The following CNBD2 variants were observed in gnomAD, a reference collection of about 807,000 sequenced individuals.
CNBD2 encodes cyclic nucleotide-binding domain-containing protein 2.
Under a neutral mutation model 63.7 loss-of-function variants are expected in CNBD2, and 64 were observed. The observed-to-expected ratio is 1.00, with a 90% CI of 0.82 to 1.24. The LOEUF (loss-of-function observed/expected upper bound fraction) is 1.24, where lower values mean the gene tolerates loss of function less well. Among genes scored for constraint, CNBD2 ranks in the 50% most tolerant of loss-of-function variants. The probability of loss-of-function intolerance (pLI) is 0.00; values close to 1 mark genes in which losing one functional copy is unlikely to be tolerated. For synonymous variants in CNBD2, 229 were observed against 255.4 expected (o/e 0.90, Z 0.99); for missense variants, 691 against 713.5 (o/e 0.97, Z 0.36).
At position 36,001,520 on chromosome 20, in the gene CNBD2, G is replaced by C. The variant is rs547891951; in HGVS notation, c.970+6368G>C. ...TGACCCCCCCACCTCCCTCCCGGAC[G>C]GGGCGGCCGGCTGGGCGGAGACGCT... On this transcript the variant is annotated intron_variant, in intron 8 of 11. Transcript: ENST00000373973. 4.7e-5 allele frequency among the ~76,000 whole-genome samples: 7 copies of C among 149,774 alleles called. No individual in the cohort carries two copies. The East Asian group carries it at 6.1e-4, about 13-fold the overall frequency.
intron 1 of CNBD2, among the ~76,000 whole-genome samples, chr20:35,971,161 A>G (rs923405225): frequency 4.6e-5 from 7 of 151,148 alleles, no homozygotes; most frequent in Non-Finnish European, 1.0e-4. Context: ...GTTAGCCGGG[A>G]TGGTCTCGAT....
At chr20:35,981,980 G>A (rs1377256413) in intron 4 of CNBD2, among the ~76,000 whole-genome samples, 1 of 152,206 alleles carries the variant, frequency 6.6e-6, no homozygotes, top group East Asian at 1.9e-4. Flanking sequence ...GGAGGAAGTA[G>A]GATCTGAGTT....
intron 1 of CNBD2, among the ~76,000 whole-genome samples, chr20:35,971,705 C>T (rs974205979): frequency 5.9e-5 from 9 of 152,186 alleles, no homozygotes; most frequent in African/African-American, 9.6e-5. Context: ...CGTGAGCCAC[C>T]GCACCTGGCC....
chr20:36,017,410 CT>C (rs919906700), intron 10 of CNBD2, among the ~76,000 whole-genome samples: 1 of 152,112 alleles, frequency 6.6e-6, no homozygotes, highest in African/African-American at 2.4e-5. Flanking sequence ...GTGCATGCTC[CT>C]TCCCTCCACT....
rs942852434 is a variant in CNBD2 at position 36,024,590 on chromosome 20, T to C, written c.1439+819T>C. Among the ~76,000 whole-genome samples the C allele has an allele frequency of 6.7e-5, 10 of 149,152 alleles. No homozygotes were observed. The East Asian group carries it at 2.0e-3, about 29-fold the overall frequency. Reference sequence around the variant, plus strand: ...TTTGAAGTGAGCCAAAATTACACCATTGCACTCCAGCCTGGGTGGCAGAGC... The same window carrying C: ...TTTGAAGTGAGCCAAAATTACACCACTGCACTCCAGCCTGGGTGGCAGAGC... On this transcript the variant is annotated intron_variant, in intron 11 of 11. Coordinates refer to ENST00000373973, the MANE Select transcript of CNBD2 (RefSeq NM_001365709.1).
In CNBD2 at chr20:36,005,654, A is replaced by G. The variant is rs985296139; in HGVS notation, c.971-2643A>G. On this transcript the variant is annotated intron_variant, in intron 8 of 11. Transcript: ENST00000373973. ...TGTGGAACTTGGATTTATTCCCATT[A>G]ACATTAATTTGAGGGGCCGGGCATG... 1.1e-4 allele frequency among the ~76,000 whole-genome samples: 17 copies of G among 152,234 alleles called. 1 individual carries two copies. In the East Asian group the frequency reaches 3.3e-3, roughly 29 times the overall value.
At chr20:36,022,217 T>TTTTTTTTTTTG (rs561441076) in intron 10 of CNBD2, among the ~76,000 whole-genome samples, 5 of 107,120 alleles carry the variant, frequency 4.7e-5, no homozygotes, top group African/African-American at 9.9e-5. Context: ...TTTTTTTTTT[T>TTTTTTTTTTTG]GAGATGGAGT....
chr20:35,965,186 T>TC (rs1781983371), upstream of CNBD2, among the ~76,000 whole-genome samples: 1 of 149,896 alleles, frequency 6.7e-6, no homozygotes, highest in Admixed American at 6.6e-5. Flanking sequence ...TCTCTCTCTT[T>TC]TTTTTTTTTT....
At chr20:35,964,630 C>T (rs556180369), upstream of CNBD2, among the ~76,000 whole-genome samples, 467 of 151,798 alleles carry the variant, frequency 3.1e-3, no homozygotes, top group Non-Finnish European at 3.9e-3. Context: ...CTCCTGACCT[C>T]GTGATCCACC....
intron 10 of CNBD2, among the ~76,000 whole-genome samples, chr20:36,013,957 G>A (rs1481568534): frequency 9.9e-5 from 15 of 151,936 alleles, no homozygotes; most frequent in African/African-American, 3.1e-4. Context: ...CGAGGAGGGC[G>A]GATCACGAGG....
At chr20:35,970,550 C>T (rs909685493) in intron 1 of CNBD2, among the ~76,000 whole-genome samples, 2 of 152,102 alleles carry the variant, frequency 1.3e-5, no homozygotes, top group African/African-American at 2.4e-5. Flanking sequence ...GCGCCCACCA[C>T]CACGCCCGGC....
intron 8 of CNBD2, among the ~76,000 whole-genome samples, chr20:35,996,157 A>C (rs1442792531): frequency 6.6e-6 from 1 of 152,190 alleles, no homozygotes; most frequent in African/African-American, 2.4e-5. Context: ...GTGTTATATA[A>C]CCCCACTGAA....
intron 10 of CNBD2, among the ~76,000 whole-genome samples, chr20:36,017,044 A>T (rs552698932): frequency 6.9e-6 from 1 of 145,354 alleles, no homozygotes; most frequent in Non-Finnish European, 1.5e-5. Flanking sequence ...GAACAATAGA[A>T]TGAGAGCCTG....
chr20:35,979,224 T>A (rs1189238699), intron 3 of CNBD2, among the ~76,000 whole-genome samples: 1 of 152,170 alleles, frequency 6.6e-6, no homozygotes, highest in Non-Finnish European at 1.5e-5. Flanking sequence ...AGACATTTTT[T>A]GAGCTCCTAA....
At chr20:36,005,820 G>A (rs1601078715) in intron 8 of CNBD2, among the ~76,000 whole-genome samples, 1 of 151,406 alleles carries the variant, frequency 6.6e-6, no homozygotes, top group African/African-American at 2.4e-5. Context: ...GCATGGTGGC[G>A]GGCGCCTGTA....
At chr20:36,005,112 T>C (rs1333190760) in intron 8 of CNBD2, among the ~76,000 whole-genome samples, 4 of 152,228 alleles carry the variant, frequency 2.6e-5, no homozygotes, top group Non-Finnish European at 5.9e-5. Flanking sequence ...TGTTTGTCTT[T>C]GCATCTGTGT....
chr20:36,010,120 A>G (rs1295825337), intron 9 of CNBD2, among the ~76,000 whole-genome samples: 1 of 152,196 alleles, frequency 6.6e-6, no homozygotes, highest in African/African-American at 2.4e-5. Context: ...ACTGAAGAGC[A>G]GAAGAGGAGA....
chr20:35,987,501 G>GAA lies in CNBD2; in HGVS notation c.823_824insAA (p.Gly275GlufsTer39). The stretch of plus-strand genomic sequence containing the variant: ...TGGGCAGCTGATCTCAAAAGATTTT[G>GAA]GAGAGTCACCCTTCATCATGTTTAT... On this transcript the variant is annotated frameshift_variant, in exon 7 of 12. Transcript: ENST00000373973. LOFTEE classifies it high-confidence loss of function. 7 of 1,614,196 alleles carry GAA rather than the reference G, an allele frequency of 4.3e-6. No homozygotes were observed. Among genetic ancestry groups the GAA allele is most frequent in the Non-Finnish European group, 5.9e-6 (7 of 1,180,030 alleles).
chr20:35,959,588 T>A (rs1393765674), downstream of CNBD2: 1 of 152,186 alleles, frequency 6.6e-6, no homozygotes, highest in South Asian at 2.1e-4. Flanking sequence ...ATGGGGGAAC[T>A]ACCCCCATGA....
Sources: gnomAD v4.1 joint callset for allele counts (sites outside exome capture counted in the v4.1 genomes callset) on GRCh38, gnomAD v4.1.1 for gene constraint, MANE v1.5 for transcripts, NCBI Gene and HGNC (gene_info 2026-07-23, HGNC 2026-07-21) for gene names.